The following SVOPL variants were observed in gnomAD, a reference collection of about 807,000 sequenced individuals.
SVOPL encodes putative transporter SVOPL.
A neutral mutation model predicts 61.0 loss-of-function variants in SVOPL; 60 were observed. That is an observed-to-expected ratio of 0.98 (90% CI 0.80 to 1.22). SVOPL has a LOEUF of 1.22. SVOPL is among the 50% of genes most tolerant of loss of function. The probability of loss-of-function intolerance (pLI) is 0.00; values close to 1 mark genes in which losing one functional copy is unlikely to be tolerated. For synonymous variants in SVOPL, 279 were observed against 250.0 expected (o/e 1.12, Z -1.09); for missense variants, 662 against 643.9 (o/e 1.03, Z -0.30).
chr7:138,611,825 C>T (rs1396420062), intron 14 of SVOPL, among the ~76,000 whole-genome samples: 1 of 48,194 alleles, frequency 2.1e-5, no homozygotes, highest in African/African-American at 5.9e-5. Flanking sequence ...CACCTCCCAG[C>T]CGCCTGCCTT....
chr7:138,649,883 G>A (rs1801333412), intron 7 of SVOPL, among the ~76,000 whole-genome samples: 1 of 152,086 alleles, frequency 6.6e-6, no homozygotes, highest in African/African-American at 2.4e-5. Context: ...CCAGACTGGA[G>A]GGCAGTGGCA....
At chr7:138,656,877 T>C (rs1801764393) in intron 6 of SVOPL, among the ~76,000 whole-genome samples, 1 of 151,946 alleles carries the variant, frequency 6.6e-6, no homozygotes, top group Admixed American at 6.6e-5. Context: ...ACCCCGTTTC[T>C]ACTAAAAATA....
intron 14 of SVOPL, among the ~76,000 whole-genome samples, chr7:138,618,340 G>T (rs1362523380): frequency 6.6e-6 from 1 of 151,970 alleles, no homozygotes; most frequent in Non-Finnish European, 1.5e-5. Context: ...TCTGTAGTAG[G>T]TGCTATTCTT....
intron 14 of SVOPL, among the ~76,000 whole-genome samples, chr7:138,610,153 A>G (rs1798935061): frequency 6.6e-6 from 1 of 152,150 alleles, no homozygotes; most frequent in Non-Finnish European, 1.5e-5. Flanking sequence ...CTTAATGCCT[A>G]TTTTTTATAT....
chr7:138,652,985 G>T (rs1186147732), intron 7 of SVOPL, among the ~76,000 whole-genome samples: 1 of 152,172 alleles, frequency 6.6e-6, no homozygotes, highest in African/African-American at 2.4e-5. Context: ...GTAAGAAAGT[G>T]AAACAGCATT....
chr7:138,657,406 G>C (rs560176952), intron 6 of SVOPL, among the ~76,000 whole-genome samples: 85 of 152,196 alleles, frequency 5.6e-4, no homozygotes, highest in African/African-American at 2.0e-3. Context: ...TTTCCTAAAG[G>C]GCTGGGATTA....
intron 4 of SVOPL, among the ~76,000 whole-genome samples, chr7:138,668,238 C>G (rs185645172): frequency 6.6e-6 from 1 of 152,274 alleles, no homozygotes; most frequent in Non-Finnish European, 1.5e-5. Flanking sequence ...GACCTTCCCC[C>G]ACCCACCAAG....
intron 14 of SVOPL, among the ~76,000 whole-genome samples, chr7:138,616,969 A>T (rs1229772016): frequency 1.1e-4 from 17 of 151,964 alleles, no homozygotes; most frequent in East Asian, 7.7e-4. Context: ...TCAATTAATT[A>T]ATTTATTTAT....
chr7:138,693,660 A>G (rs1803002940), intron 1 of SVOPL, among the ~76,000 whole-genome samples: 1 of 147,896 alleles, frequency 6.8e-6, no homozygotes, highest in African/African-American at 2.5e-5. Context: ...AAAGAAAGAG[A>G]GAGGGAGGGA....
intron 8 of SVOPL, among the ~76,000 whole-genome samples, chr7:138,648,487 G>C (rs1801237079): frequency 6.9e-6 from 1 of 144,918 alleles, no homozygotes; most frequent in African/African-American, 2.6e-5. Flanking sequence ...GGATCATGAG[G>C]TCAGGAGATC....
At chr7:138,618,844 G>A (rs1300540789) in intron 14 of SVOPL, among the ~76,000 whole-genome samples, 1 of 151,558 alleles carries the variant, frequency 6.6e-6, no homozygotes, top group Non-Finnish European at 1.5e-5. Flanking sequence ...TGAAGGGAGG[G>A]TAGCAGAAAA....
intron 14 of SVOPL, among the ~76,000 whole-genome samples, chr7:138,598,531 G>A (rs1001612079): frequency 6.6e-6 from 1 of 152,066 alleles, no homozygotes; most frequent in Non-Finnish European, 1.5e-5. Context: ...CTGTTCAGGT[G>A]CCCACTTAAC....
At position 138,620,125 on chromosome 7, in the gene SVOPL, T is replaced by TTG. The variant is rs1491374661; in HGVS notation, c.1353+920_1353+921insCA. ...TCTTTTTTGTTTTTTTTCTGTTTTG[T>TTG]TTTTTTTTTTTTTTTGAGATAGAGT... On this transcript the variant is annotated intron_variant, in intron 14 of 15. Transcript: ENST00000674285. Among the ~76,000 whole-genome samples the TTG allele has an allele frequency of 8.9e-3, 458 of 51,604 alleles. 4 individuals carry two copies. The highest frequency in any genetic ancestry group is 0.022 in the African/African-American group (430 of 19,692). 33.9% of individuals were successfully genotyped at this position (51,604 alleles called of 152,430 possible). A position where few individuals can be genotyped will look rare whatever the true frequency, so the allele number is the denominator to read the frequency against.
At chr7:138,646,910 G>A (rs577414322) in intron 8 of SVOPL, among the ~76,000 whole-genome samples, 1 of 152,316 alleles carries the variant, frequency 6.6e-6, no homozygotes, top group African/African-American at 2.4e-5. Context: ...CGAGCACCTG[G>A]GGCCTGTGTG....
chr7:138,661,525 T>C (rs1802000369), intron 5 of SVOPL: 1 of 985,202 alleles, frequency 1.0e-6, no homozygotes, highest in African/African-American at 1.7e-5. Flanking sequence ...TTTCATTTTG[T>C]TTTTCTTACC....
chr7:138,692,587 T>G (rs1056049122), intron 1 of SVOPL, among the ~76,000 whole-genome samples: 2 of 152,190 alleles, frequency 1.3e-5, no homozygotes, highest in African/African-American at 4.8e-5. Context: ...TAATATTTTG[T>G]TTCCATGATA....
intron 1 of SVOPL, among the ~76,000 whole-genome samples, chr7:138,690,856 T>C (rs1802924938): frequency 1.3e-5 from 2 of 152,166 alleles, no homozygotes; most frequent in Non-Finnish European, 2.9e-5. Flanking sequence ...CACTTCAGCC[T>C]CTGCCTCCCA....
chr7:138,663,566 A>T, intron 4 of SVOPL: 1 of 992,142 alleles, frequency 1.0e-6, no homozygotes, highest in Non-Finnish European at 1.2e-6. Flanking sequence ...TAAACACCAA[A>T]TCCAATCACT....
At chr7:138,665,921 C>T (rs1802244480) in intron 4 of SVOPL, among the ~76,000 whole-genome samples, 1 of 152,210 alleles carries the variant, frequency 6.6e-6, no homozygotes, top group African/African-American at 2.4e-5. Context: ...AATAAGGACT[C>T]TGAAAACCAC....
Sources: gnomAD v4.1 joint callset for allele counts (sites outside exome capture counted in the v4.1 genomes callset) on GRCh38, gnomAD v4.1.1 for gene constraint, MANE v1.5 for transcripts, NCBI Gene and HGNC (gene_info 2026-07-23, HGNC 2026-07-21) for gene names.